Variants in GNB5 observed in about 807,000 individuals in gnomAD.
GNB5 encodes guanine nucleotide-binding protein subunit beta-5.
In GNB5, 37 loss-of-function variants were observed where a neutral mutation model predicts 55.3. That is an observed-to-expected ratio of 0.67 (90% CI 0.51 to 0.88). GNB5 has a LOEUF of 0.88. GNB5 is among the 40% of genes least tolerant of loss of function. The pLI, the probability that GNB5 is intolerant of heterozygous loss-of-function variation, is 0.00. For synonymous variants in GNB5, 219 were observed against 198.5 expected, an observed-to-expected ratio of 1.10 and a Z score of -0.87; for missense variants, 476 against 515.3, an observed-to-expected ratio of 0.92 and a Z score of 0.74.
At chr15:52,172,380 A>G (rs1198015395) in intron 3 of GNB5, among the ~76,000 whole-genome samples, 1 of 151,920 alleles carries the variant, frequency 6.6e-6, no homozygotes, top group Non-Finnish European at 1.5e-5. Flanking sequence ...TCCTGGGCTC[A>G]AGTGATCTTT....
chr15:52,153,634 A>T (rs2034146022), intron 4 of GNB5, among the ~76,000 whole-genome samples: 1 of 152,202 alleles, frequency 6.6e-6, no homozygotes, highest in Non-Finnish European at 1.5e-5. Flanking sequence ...TTACGCCCTC[A>T]ATTTGGAAAA....
chr15:52,132,142 T>C (rs2033593352), intron 9 of GNB5, among the ~76,000 whole-genome samples: 1 of 138,546 alleles, frequency 7.2e-6, no homozygotes, highest in African/African-American at 3.0e-5. Context: ...CCTTTTCATG[T>C]CTCCCTGTGG....
intron 3 of GNB5, among the ~76,000 whole-genome samples, chr15:52,157,578 G>T (rs2034241369): frequency 6.6e-6 from 1 of 152,080 alleles, no homozygotes; most frequent in Admixed American, 6.5e-5. Context: ...TATCGGCCCA[G>T]AGTTGTGAGC....
intron 8 of GNB5, among the ~76,000 whole-genome samples, chr15:52,134,313 T>G (rs2033647231): frequency 6.6e-6 from 1 of 152,078 alleles, no homozygotes; most frequent in Non-Finnish European, 1.5e-5. Flanking sequence ...AGTAACAGCT[T>G]AAAACTGGTG....
chr15:52,140,642 AAAGAAAAC>A (rs1566937278), intron 7 of GNB5, among the ~76,000 whole-genome samples: 4 of 152,254 alleles, frequency 2.6e-5, no homozygotes, highest in Non-Finnish European at 5.9e-5. Flanking sequence ...ACCACTTGCT[AAAGAAAAC>A]TTAAAGTGAT....
At position 52,147,459 on chromosome 15, in the gene GNB5, C is replaced by CCA. The variant is rs1017220418; in HGVS notation, c.492_493dup (p.Gly165ValfsTer13). ...AAAAGCTGCTGTAGCTCCAACTTAC[C>CCA]CACAAGCAATGGCACATCCCGATGG... On this transcript the variant is annotated frameshift_variant and splice_region_variant, in exon 6 of 13. Coordinates refer to ENST00000261837, the MANE Select transcript of GNB5 (RefSeq NM_016194.4). LOFTEE classifies it high-confidence loss of function. 3 of 1,574,058 alleles carry CCA rather than the reference C, an allele frequency of 1.9e-6. No individual in the cohort carries two copies. In the African/African-American group the frequency reaches 4.0e-5, roughly 21 times the overall value.
intron 7 of GNB5, among the ~76,000 whole-genome samples, chr15:52,136,229 A>G (rs2033718921): frequency 6.6e-6 from 1 of 151,884 alleles, no homozygotes; most frequent in African/African-American, 2.4e-5. Flanking sequence ...ACAAAGAAGG[A>G]AAGAGTGCAT....
chr15:52,172,782 T>C (rs1185016603), intron 3 of GNB5, among the ~76,000 whole-genome samples: 1 of 152,066 alleles, frequency 6.6e-6, no homozygotes, highest in African/African-American at 2.4e-5. Context: ...AGTAAATGTA[T>C]AGATGGGTAT....
chr15:52,139,106 C>G (rs2033793334), intron 7 of GNB5: 1 of 152,154 alleles, frequency 6.6e-6, no homozygotes, highest in African/African-American at 2.4e-5. Context: ...AGTACCCAAA[C>G]TAGGCCATGT....
intron 4 of GNB5, 108 bp from the exon 5 acceptor site, chr15:52,150,033 C>T: frequency 3.7e-6 from 3 of 815,440 alleles, no homozygotes; most frequent in Non-Finnish European, 6.3e-6. Context: ...AGTAGAAAGC[C>T]AGAATGAGGA....
chr15:52,124,941 CA>C (rs2033382974), intron 11 of GNB5: 1 of 213,160 alleles, frequency 4.7e-6, no homozygotes, highest in Non-Finnish European at 9.3e-6. Flanking sequence ...ACTGCAGACA[CA>C]AGTAAATTAT....
rs573329594 is a variant in GNB5, at chr15:52,116,132, C to G, written c.*6625G>C. ...TAATGCTGCTATGAACATTTGCATT[C>G]AAATTTCTGTGTGGACATATGTTTT... On this transcript the variant is annotated 3_prime_UTR_variant, in exon 13 of 13. Coordinates refer to ENST00000261837, the MANE Select transcript of GNB5 (RefSeq NM_016194.4). 2 of 152,332 alleles carry G rather than the reference C, an allele frequency of 1.3e-5. No individual in the cohort carries two copies. Among genetic ancestry groups the G allele is most frequent in the South Asian group, 4.1e-4 (2 of 4,826 alleles). The allele number at this position is 152,332 out of a possible 1,614,324, so 9.4% of individuals were successfully genotyped here.
chr15:52,158,253 C>T (rs2034257007), intron 3 of GNB5, among the ~76,000 whole-genome samples: 1 of 152,152 alleles, frequency 6.6e-6, no homozygotes, highest in African/African-American at 2.4e-5. Flanking sequence ...TCGAGCAAAT[C>T]ATGTACTTTC....
chr15:52,136,113 AAC>A (rs751263225), intron 7 of GNB5, among the ~76,000 whole-genome samples: 1,865 of 50,662 alleles, frequency 0.037, 26 homozygotes, highest in Middle Eastern at 0.067. Context: ...AAAAGCAGAA[AAC>A]ACACACACAC....
intron 6 of GNB5, among the ~76,000 whole-genome samples, chr15:52,142,387 T>C (rs1475253302): frequency 6.6e-6 from 1 of 152,250 alleles, no homozygotes; most frequent in Admixed American, 6.5e-5. Flanking sequence ...ATTTTGATAA[T>C]GTCTTCCGTA....
intron 1 of GNB5, among the ~76,000 whole-genome samples, chr15:52,186,993 G>C (rs768411083): frequency 6.6e-6 from 1 of 152,214 alleles, no homozygotes; most frequent in Non-Finnish European, 1.5e-5. Flanking sequence ...GAGGGAGGCA[G>C]GACATCTGTG....
At chr15:52,169,875 A>G (rs2034526530) in intron 3 of GNB5, among the ~76,000 whole-genome samples, 3 of 152,214 alleles carry the variant, frequency 2.0e-5, no homozygotes, top group Non-Finnish European at 2.9e-5. Context: ...TTTACAAGAA[A>G]AAAAACCCCA....
intron 3 of GNB5, among the ~76,000 whole-genome samples, chr15:52,171,615 A>G (rs1427794865): frequency 6.6e-6 from 1 of 152,244 alleles, no homozygotes; most frequent in Non-Finnish European, 1.5e-5. Flanking sequence ...GTGGCCAAAC[A>G]GCAGGGAAGA....
In GNB5 at chr15:52,123,362, G is replaced by A. The variant is rs2033325086; in HGVS notation, c.1177-594C>T. Among the ~76,000 whole-genome samples the A allele has an allele frequency of 3.4e-5, 5 of 146,672 alleles. No individual in the cohort carries two copies. In the Admixed American group the frequency reaches 3.4e-4, roughly 10 times the overall value. Reference sequence around the variant, plus strand: ...CATCCAGCAATCCTAAAACTATTATGCCACAAAGTTGTCCAATCCTAATTA... The same window carrying A: ...CATCCAGCAATCCTAAAACTATTATACCACAAAGTTGTCCAATCCTAATTA... On this transcript the variant is annotated intron_variant, in intron 12 of 12. Coordinates refer to ENST00000261837, the MANE Select transcript of GNB5 (RefSeq NM_016194.4).
Sources: gnomAD v4.1 joint callset for allele counts (sites outside exome capture counted in the v4.1 genomes callset) on GRCh38, gnomAD v4.1.1 for gene constraint, MANE v1.5 for transcripts, NCBI Gene and HGNC (gene_info 2026-07-23, HGNC 2026-07-21) for gene names.